Variants in COL6A3 observed in about 807,000 individuals in gnomAD.
COL6A3 encodes the protein collagen type VI alpha 3 chain.
COL6A3 carries 137 observed loss-of-function variants against 274.1 expected under a neutral mutation model. The ratio of observed to expected loss-of-function variants is 0.50; its 90% CI spans 0.44 to 0.58. COL6A3 has a LOEUF of 0.58. COL6A3 is among the 20% of genes least tolerant of loss of function. The pLI, the probability that COL6A3 is intolerant of heterozygous loss-of-function variation, is 0.00. For synonymous variants in COL6A3, 1,650 were observed against 1,650.6 expected (o/e 1.00, Z 0.01); for missense variants, 3,950 against 4,124.9 (o/e 0.96, Z 1.16).
intron 36 of COL6A3, chr2:237,342,891 G>C (rs948867306): frequency 6.6e-6 from 1 of 152,364 alleles, no homozygotes; most frequent in Admixed American, 6.5e-5. Context: ...TCCTGTGTTC[G>C]GCAGAACAAG....
At position 237,394,782 on chromosome 2, in the gene COL6A3, C is replaced by T. The variant is rs1270503233; in HGVS notation, c.514G>A (p.Val172Met). Residue 172 changes from valine (V) to methionine (M), a missense_variant, in exon 3 of 44, where the codon GTG becomes ATG. Transcript: ENST00000295550. ...SAELKSADVN[V>M]FAIGVEDADE... ...GCATCCTCAACTCCAATTGCAAACA[C>T]GTTAACATCAGCAGACTTAAGTTCC... 9 of 1,614,088 alleles carry T rather than the reference C, an allele frequency of 5.6e-6. No homozygotes were observed. The highest frequency in any genetic ancestry group is 4.5e-5 in the East Asian group (2 of 44,898).
chr2:237,334,712 A>T lies in COL6A3; in HGVS notation c.9143T>A (p.Leu3048Gln). 6.2e-7 allele frequency: 1 copy of T among 1,614,104 alleles called. No individual in the cohort carries two copies. The highest frequency in any genetic ancestry group is 8.5e-7 in the Non-Finnish European group (1 of 1,180,040). Residue 3048 changes from leucine (L) to glutamine (Q), a missense_variant, in exon 41 of 44, where the codon CTG (leucine) becomes CAG (glutamine). Around this residue, in one of 5 missense-constraint regions of COL6A3, gnomAD observed 1,284 missense variants for 1,349.7 expected, o/e 0.95. Transcript: ENST00000295550. ...LTVTDRVIGG[L>Q]LAGQTYHVAV... ...CACATGGTATGTCTGCCCAGCGAGC[A>T]GGCCTCCAATGACGCGGTCCGTGAC...
At position 237,344,223 on chromosome 2, in the gene COL6A3, A is replaced by G; in HGVS notation, c.7668+127T>C. The stretch of plus-strand genomic sequence containing the variant: ...CCTCACAAGAGAAGTTCTCAGGCAG[A>G]TGGCCTCATTGGGGACGTTTTAGGA... On this transcript the variant is annotated intron_variant, in intron 36 of 43. Transcript: ENST00000295550. This position sits in a 1 kb window ranked among gnomAD's most constrained non-coding sequence, Gnocchi z 4.8. The G allele has an allele frequency of 7.1e-7, 1 of 1,414,280 alleles. No homozygotes were observed. The highest frequency in any genetic ancestry group is 9.9e-7 in the Non-Finnish European group (1 of 1,007,586). 87.6% of individuals were successfully genotyped at this position (1,414,280 alleles called of 1,614,324 possible).
rs75838500 is a variant in COL6A3 at position 237,358,258 on chromosome 2, A to G, written c.6471+263T>C. 8.1e-3 allele frequency among the ~76,000 whole-genome samples: 1,231 copies of G among 152,344 alleles called. 10 individuals carry two copies. The highest frequency in any genetic ancestry group is 0.014 in the Non-Finnish European group (935 of 68,032). On this transcript the variant is annotated intron_variant, in intron 21 of 43. Coordinates refer to ENST00000295550, the MANE Select transcript of COL6A3 (RefSeq NM_004369.4). ...AAGCTGCAAACTCTTCTCTTTTCCA[A>G]AAGCAAATTTGAAGTGCCCTGATAC...
chr2:237,379,181 C>T lies in COL6A3; in HGVS notation c.1952G>A (p.Gly651Glu). 3.7e-6 allele frequency: 6 copies of T among 1,614,168 alleles called. No homozygotes were observed. The highest frequency in any genetic ancestry group is 5.1e-6 in the Non-Finnish European group (6 of 1,180,024). Reference protein sequence around the residue: ...IFLLDGSANVGKTNFPYVRDF... With the variant: ...IFLLDGSANVEKTNFPYVRDF... ...GCGCACATAAGGGAAATTGGTTTTTCCAACGTTGGCTGATCCATCCAAAAG... is the reference window on the plus strand; with the variant it reads ...GCGCACATAAGGGAAATTGGTTTTTTCAACGTTGGCTGATCCATCCAAAAG... Residue 651 changes from glycine (G) to glutamate (E), a missense_variant, in exon 6 of 44, where the codon GGA (glycine) becomes GAA (glutamate). This residue lies in a region of COL6A3 where 1,934 missense variants were observed against 1,984.3 expected (regional missense o/e 0.97). Transcript: ENST00000295550.
intron 4 of COL6A3, among the ~76,000 whole-genome samples, chr2:237,384,901 G>A (rs1002005203): frequency 2.0e-5 from 3 of 152,018 alleles, no homozygotes; most frequent in African/African-American, 7.2e-5. Flanking sequence ...TGAACCTCAG[G>A]CTCCCTGTCC....
At chr2:237,381,563 T>A in intron 4 of COL6A3, 64 bp from the exon 5 acceptor site, 1 of 1,321,656 alleles carries the variant, frequency 7.6e-7, no homozygotes, top group Non-Finnish European at 1.1e-6. Flanking sequence ...ACAATGACTT[T>A]CAACAAAGCT....
intron 38 of COL6A3, 48 bp downstream of exon 38, chr2:237,340,404 C>A (rs377467505): frequency 1.9e-6 from 3 of 1,547,214 alleles, no homozygotes; most frequent in South Asian, 2.2e-5. Context: ...TCTCCTGGCC[C>A]GAGCATAAAG....
rs1474421539 is a variant in COL6A3, at chr2:237,413,173, G to A, written c.-31+780C>T. ...AACAGCCCTCGGGGCCTCCCAGCTC[G>A]GCACTGGCCTCACCTCTGTGCAGCA... On this transcript the variant is annotated intron_variant, in intron 1 of 43. Transcript: ENST00000295550. This position sits in a 1 kb window ranked among gnomAD's most constrained non-coding sequence, Gnocchi z 4.0. 2.0e-5 allele frequency among the ~76,000 whole-genome samples: 3 copies of A among 152,198 alleles called. No individual in the cohort carries two copies. The highest frequency in any genetic ancestry group is 2.9e-5 in the Non-Finnish European group (2 of 68,022).
chr2:237,363,149 C>A (rs1157130797), intron 14 of COL6A3, 104 bp downstream of exon 14: 7 of 1,159,046 alleles, frequency 6.0e-6, no homozygotes, highest in Admixed American at 1.7e-5. Flanking sequence ...CAAGGCCCCC[C>A]CCCCACCTCC....
At chr2:237,383,989 C>T (rs987941768) in intron 4 of COL6A3, among the ~76,000 whole-genome samples, 70 of 152,238 alleles carry the variant, frequency 4.6e-4, no homozygotes, top group African/African-American at 1.7e-3. Context: ...AGGTCATTTA[C>T]GTTTGATTTT....
chr2:237,334,569 C>T (rs1700432016), intron 41 of COL6A3, 57 bp downstream of exon 41: 2 of 1,573,222 alleles, frequency 1.3e-6, no homozygotes, highest in Admixed American at 1.7e-5. Context: ...TCCTTTGTGT[C>T]CTATTTGATA....
Position 237,395,045 on chromosome 2 carries a change from T to C in COL6A3, c.251A>G (p.Asn84Ser), listed in dbSNP as rs752748927. The part of the protein sequence containing the change: ...NDFHFALVQF[N>S]GNPHTEFLLN... ...CAGGAACTCGGTATGTGGGTTTCCG[T>C]TGAACTGGACCAGAGCAAAATGGAA... Residue 84 changes from asparagine (N) to serine (S), a missense_variant, in exon 3 of 44, where the codon AAC becomes AGC. Asn to Ser is a conservative substitution (Grantham distance 46). Coordinates refer to ENST00000295550, the MANE Select transcript of COL6A3 (RefSeq NM_004369.4). 2.4e-5 allele frequency: 39 copies of C among 1,614,032 alleles called. No homozygotes were observed. In the South Asian group the frequency reaches 3.8e-4, roughly 16 times the overall value.
At chr2:237,325,086 T>A (rs532245091) in intron 43 of COL6A3, among the ~76,000 whole-genome samples, 1 of 152,056 alleles carries the variant, frequency 6.6e-6, no homozygotes, top group African/African-American at 2.4e-5. Context: ...CGAACTGAAC[T>A]CTCCCCATTC....
At chr2:237,363,185 T>C in intron 14 of COL6A3, 68 bp downstream of exon 14, 1 of 1,478,596 alleles carries the variant, frequency 6.8e-7, no homozygotes, top group Non-Finnish European at 9.4e-7. Flanking sequence ...ATTAACTTCA[T>C]TCTCTTGAAA....
rs147182340 is a variant in COL6A3, at chr2:237,378,915, G to A, written c.2218C>T (p.Arg740Cys). ...HFTEAGGSRI[R>C]EHVPQLLLLL... Reference sequence around the variant, plus strand: ...AGCAGGAGCTGCGGCACGTGTTCACGGATCCTGCTGCCGCCAGCTTCCGTG... The same window carrying A: ...AGCAGGAGCTGCGGCACGTGTTCACAGATCCTGCTGCCGCCAGCTTCCGTG... The change falls in exon 6 of 44, where the codon CGT (arginine) becomes TGT (cysteine). Residue 740 changes from arginine to cysteine, a missense_variant. Arg to Cys is a radical substitution (Grantham distance 180). Transcript: ENST00000295550. The A allele has an allele frequency of 9.0e-5, 146 of 1,614,206 alleles. No individual in the cohort carries two copies. Among genetic ancestry groups the A allele is most frequent in the Non-Finnish European group, 1.1e-4 (128 of 1,180,036 alleles).
intron 4 of COL6A3, among the ~76,000 whole-genome samples, chr2:237,382,240 G>A (rs139296872): frequency 3.9e-5 from 6 of 152,134 alleles, no homozygotes; most frequent in East Asian, 1.9e-4. Context: ...AAAATTAGCC[G>A]AGCGTGGGGG....
At chr2:237,386,018 T>G (rs1010385068) in intron 4 of COL6A3, among the ~76,000 whole-genome samples, 8 of 152,226 alleles carry the variant, frequency 5.3e-5, no homozygotes, top group Non-Finnish European at 1.0e-4. Context: ...AACACTCACA[T>G]ATACTTTTCT....
Position 237,324,695 on chromosome 2 carries a change from C to T in COL6A3, c.*79G>A. The T allele has an allele frequency of 3.0e-6, 4 of 1,346,294 alleles. No individual in the cohort carries two copies. The highest frequency in any genetic ancestry group is 4.3e-6 in the Non-Finnish European group (4 of 939,288). The allele number at this position is 1,346,294 out of a possible 1,614,324, so 83.4% of individuals were successfully genotyped here. On this transcript the variant is annotated 3_prime_UTR_variant, in exon 44 of 44. Coordinates refer to ENST00000295550, the MANE Select transcript of COL6A3 (RefSeq NM_004369.4). Reference sequence around the variant, plus strand: ...ATGATACAGTGCAAGGGAATCTACACCCGGAGCTTCTACAGAGACAAGTTG... The same window carrying T: ...ATGATACAGTGCAAGGGAATCTACATCCGGAGCTTCTACAGAGACAAGTTG...
Sources: allele counts gnomAD v4.1 joint callset (sites outside exome capture counted in the v4.1 genomes callset), GRCh38; gene constraint gnomAD v4.1.1; regional missense constraint gnomAD v4.1.1; non-coding constraint Gnocchi (gnomAD v3.1); transcripts MANE v1.5; gene names NCBI Gene and HGNC (gene_info 2026-07-23, HGNC 2026-07-21).